TMEM212: variants seen among roughly 807,000 people sequenced by gnomAD.
TMEM212 encodes transmembrane protein 212.
A neutral mutation model predicts 20.5 loss-of-function variants in TMEM212; 23 were observed. The ratio of observed to expected loss-of-function variants is 1.12; its 90% CI spans 0.81 to 1.59. The LOEUF (loss-of-function observed/expected upper bound fraction) is 1.59. Ranked by LOEUF, TMEM212 falls within the 40% of genes most tolerant of loss-of-function variation. The probability of loss-of-function intolerance (pLI) is 0.00; values close to 1 mark genes in which losing one functional copy is unlikely to be tolerated. For synonymous variants in TMEM212, 76 were observed against 81.6 expected, an observed-to-expected ratio of 0.93 and a Z score of 0.37; for missense variants, 211 against 215.0, an observed-to-expected ratio of 0.98 and a Z score of 0.12.
At chr3:171,850,108 T>C (rs1724938824) in intron 1 of TMEM212, among the ~76,000 whole-genome samples, 1 of 152,074 alleles carries the variant, frequency 6.6e-6, no homozygotes, top group Admixed American at 6.6e-5. Context: ...TATCTAAAAA[T>C]ATAATTTTCA....
At position 171,858,485 on chromosome 3, in the gene TMEM212, G is replaced by A. The variant is rs1237749419; in HGVS notation, c.*428G>A. The A allele has an allele frequency of 6.6e-6, 1 of 151,982 alleles. No individual in the cohort carries two copies. The highest frequency in any genetic ancestry group is 1.5e-5 in the Non-Finnish European group (1 of 68,004). The allele number at this position is 151,982 out of a possible 1,614,324, so 9.4% of individuals were successfully genotyped here. On this transcript the variant is annotated 3_prime_UTR_variant, in exon 5 of 5. Coordinates refer to ENST00000334567, the MANE Select transcript of TMEM212 (RefSeq NM_001164436.2). ...ATAAAAACCCTAGAAGAAAACCTAG[G>A]CAATACCATTCAGGACATAGGCATG...
At chr3:171,850,637 C>T (rs552568500) in intron 1 of TMEM212, among the ~76,000 whole-genome samples, 17 of 152,340 alleles carry the variant, frequency 1.1e-4, no homozygotes, top group African/African-American at 4.1e-4. Context: ...GTTACAGTTG[C>T]TCTTAATAAT....
intron 1 of TMEM212, among the ~76,000 whole-genome samples, chr3:171,850,784 T>A (rs750032897): frequency 1.3e-5 from 2 of 152,212 alleles, no homozygotes; most frequent in Non-Finnish European, 2.9e-5. Flanking sequence ...TTTTATGGTA[T>A]GGCGATGCCA....
chr3:171,849,382 T>C (rs980922079), intron 1 of TMEM212, among the ~76,000 whole-genome samples: 6 of 152,240 alleles, frequency 3.9e-5, no homozygotes, highest in African/African-American at 1.2e-4. Context: ...ACCTGAACTG[T>C]AAATTCCAGC....
At chr3:171,848,234 TG>T (rs1161286592) in intron 1 of TMEM212, among the ~76,000 whole-genome samples, 2 of 152,324 alleles carry the variant, frequency 1.3e-5, no homozygotes, top group Non-Finnish European at 2.9e-5. Context: ...TCAGCAGGTC[TG>T]GGGTGGGGCC....
chr3:171,843,466 T>G lies in TMEM212; in HGVS notation c.83T>G (p.Phe28Cys). 6.5e-7 allele frequency: 1 copy of G among 1,537,172 alleles called. No homozygotes were observed. Among genetic ancestry groups the G allele is most frequent in the Non-Finnish European group, 8.7e-7 (1 of 1,146,834 alleles). ...GTATGCTCTGGAGTTATTGCTTTCT[T>G]TCCTGTCTTTTCTTACAAGCCTTGG... ...LSVCSGVIAF[F>C]PVFSYKPWFT... Residue 28 changes from phenylalanine to cysteine, a missense_variant, in exon 1 of 5, where the codon TTT becomes TGT. Coordinates refer to ENST00000334567, the MANE Select transcript of TMEM212 (RefSeq NM_001164436.2).
chr3:171,847,703 CA>C (rs948160158), intron 1 of TMEM212, among the ~76,000 whole-genome samples: 11 of 152,108 alleles, frequency 7.2e-5, no homozygotes, highest in African/African-American at 2.2e-4. Context: ...CAGGAAATAT[CA>C]GGGGCAAGGG....
At chr3:171,852,252 G>A (rs1724993837) in intron 2 of TMEM212, among the ~76,000 whole-genome samples, 1 of 151,852 alleles carries the variant, frequency 6.6e-6, no homozygotes, top group Non-Finnish European at 1.5e-5. Flanking sequence ...CCAGGCTGGA[G>A]TGCAGTGGCA....
chr3:171,855,645 A>C (rs1211442338), intron 3 of TMEM212, among the ~76,000 whole-genome samples: 7 of 152,192 alleles, frequency 4.6e-5, no homozygotes, highest in Non-Finnish European at 8.8e-5. Context: ...GACACATAAA[A>C]GCATACAGAT....
intron 1 of TMEM212, among the ~76,000 whole-genome samples, chr3:171,849,261 A>C (rs548049761): frequency 6.6e-6 from 1 of 152,152 alleles, no homozygotes; most frequent in Non-Finnish European, 1.5e-5. Flanking sequence ...TGCCTTTATC[A>C]TCGATGTTTC....
intron 3 of TMEM212, among the ~76,000 whole-genome samples, chr3:171,854,615 A>G (rs1476120959): frequency 6.6e-6 from 1 of 152,212 alleles, no homozygotes; most frequent in Non-Finnish European, 1.5e-5. Flanking sequence ...CAAAAGTTCA[A>G]TGGCATTTTT....
intron 3 of TMEM212, 124 bp from the exon 4 acceptor site, chr3:171,856,539 A>G (rs1725121364): frequency 6.0e-6 from 3 of 500,110 alleles, no homozygotes; most frequent in Non-Finnish European, 1.1e-5. Flanking sequence ...AAATACACCC[A>G]TTAGCCAGGT....
chr3:171,851,413 A>G (rs1047471563), intron 1 of TMEM212, among the ~76,000 whole-genome samples: 1 of 152,232 alleles, frequency 6.6e-6, no homozygotes, highest in African/African-American at 2.4e-5. Flanking sequence ...GCTGGACACC[A>G]CTGTACCCAG....
intron 3 of TMEM212, 63 bp downstream of exon 3, chr3:171,853,913 G>C (rs1186252381): frequency 2.3e-6 from 3 of 1,279,476 alleles, no homozygotes. Context: ...TGGAAAGTCT[G>C]GTATGTGAAC....
intron 2 of TMEM212, 53 bp from the exon 3 acceptor site, chr3:171,853,474 C>A (rs1725035673): frequency 6.9e-7 from 1 of 1,443,422 alleles, no homozygotes; most frequent in South Asian, 1.3e-5. Context: ...TGCTAAGAAG[C>A]CTTTGAAATA....
At chr3:171,849,882 C>T (rs1053333757) in intron 1 of TMEM212, among the ~76,000 whole-genome samples, 1 of 152,118 alleles carries the variant, frequency 6.6e-6, no homozygotes, top group African/African-American at 2.4e-5. Context: ...AGCAGCATGT[C>T]AAGGAGAGCT....
intron 1 of TMEM212, among the ~76,000 whole-genome samples, chr3:171,846,849 C>T (rs1188658098): frequency 6.6e-6 from 1 of 152,204 alleles, no homozygotes; most frequent in Non-Finnish European, 1.5e-5. Flanking sequence ...TCCACAACCT[C>T]CCTTACCAAT....
intron 1 of TMEM212, among the ~76,000 whole-genome samples, chr3:171,847,319 G>A (rs775498391): frequency 7.9e-5 from 12 of 152,242 alleles, no homozygotes; most frequent in African/African-American, 2.2e-4. Context: ...CAAGTGCAGC[G>A]CTGTACCCAG....
intron 1 of TMEM212, among the ~76,000 whole-genome samples, chr3:171,844,787 C>T (rs1333564615): frequency 1.3e-5 from 2 of 152,264 alleles, no homozygotes; most frequent in African/African-American, 4.8e-5. Flanking sequence ...AACTGAGATA[C>T]CACCTAAAAA....
Sources: gnomAD v4.1 joint callset for allele counts (sites outside exome capture counted in the v4.1 genomes callset) on GRCh38, gnomAD v4.1.1 for gene constraint, MANE v1.5 for transcripts, NCBI Gene and HGNC (gene_info 2026-07-23, HGNC 2026-07-21) for gene names.